Variants in CRTAC1 observed in about 807,000 individuals in gnomAD.
CRTAC1 encodes the protein cartilage acidic protein 1.
In CRTAC1, 37 loss-of-function variants were observed where a neutral mutation model predicts 67.8. That is an observed-to-expected ratio of 0.55 (90% confidence interval 0.42 to 0.72). CRTAC1 has a LOEUF of 0.72. Among genes scored for constraint, CRTAC1 ranks in the 30% least tolerant of loss-of-function variants. CRTAC1 has a pLI of 0.00. For synonymous variants in CRTAC1, 348 were observed against 371.0 expected, an observed-to-expected ratio of 0.94 and a Z score of 0.71; for missense variants, 780 against 931.6, an observed-to-expected ratio of 0.84 and a Z score of 2.12.
At chr10:98,020,590 A>G (rs1290773351) in intron 1 of CRTAC1, among the ~76,000 whole-genome samples, 1 of 152,238 alleles carries the variant, frequency 6.6e-6, no homozygotes, top group African/African-American at 2.4e-5. Context: ...ATGAGATGGG[A>G]GCACAGTGAA....
chr10:97,918,514 A>G (rs184772593), intron 4 of CRTAC1, among the ~76,000 whole-genome samples: 21 of 152,288 alleles, frequency 1.4e-4, no homozygotes, highest in African/African-American at 4.3e-4. Flanking sequence ...CCCTCCAATT[A>G]ATTGGACAGT....
At chr10:97,918,072 C>T (rs986804602) in intron 4 of CRTAC1, among the ~76,000 whole-genome samples, 6 of 152,138 alleles carry the variant, frequency 3.9e-5, no homozygotes, top group Non-Finnish European at 8.8e-5. Context: ...GTCTCTCTCT[C>T]CCATTCAAGC....
At chr10:97,885,343 TAAA>T (rs1236022543) in intron 11 of CRTAC1, among the ~76,000 whole-genome samples, 2 of 151,556 alleles carry the variant, frequency 1.3e-5, no homozygotes, top group African/African-American at 4.9e-5. Flanking sequence ...CTGAAAAAAA[TAAA>T]AACAAACAAA....
chr10:97,993,629 T>C (rs901001096), intron 2 of CRTAC1, among the ~76,000 whole-genome samples: 1 of 152,198 alleles, frequency 6.6e-6, no homozygotes, highest in African/African-American at 2.4e-5. Flanking sequence ...CGAAGGTCCT[T>C]AAATCAATCA....
chr10:97,970,020 T>C (rs2051682663), intron 2 of CRTAC1, among the ~76,000 whole-genome samples: 1 of 152,160 alleles, frequency 6.6e-6, no homozygotes, highest in Non-Finnish European at 1.5e-5. Context: ...ACTTAACTTA[T>C]CAAAAACTGA....
intron 14 of CRTAC1, among the ~76,000 whole-genome samples, chr10:97,872,763 T>A (rs1256230468): frequency 6.6e-6 from 1 of 152,130 alleles, no homozygotes; most frequent in Non-Finnish European, 1.5e-5. Flanking sequence ...AATGGATGGG[T>A]ACCGATCGCC....
In CRTAC1 at chr10:97,895,424, G is replaced by A. The variant is rs147781267; in HGVS notation, c.1318-11C>T. 194 of 1,581,692 alleles carry A rather than the reference G, an allele frequency of 1.2e-4. No individual in the cohort carries two copies. In the African/African-American group the frequency reaches 2.2e-3, roughly 18 times the overall value. ...GTTGTTGTTGAAGCCCTGCAGAGAG[G>A]GTGAGAGGCAGACACCCGGTGGGCA... On this transcript the variant is annotated splice_polypyrimidine_tract_variant and intron_variant, in intron 10 of 14. Coordinates refer to ENST00000370597, the MANE Select transcript of CRTAC1 (RefSeq NM_018058.7). The surrounding 1 kb of genome is among the most constrained non-coding windows in gnomAD (Gnocchi z 4.2).
intron 4 of CRTAC1, among the ~76,000 whole-genome samples, chr10:97,921,725 G>C (rs1266157349): frequency 6.6e-6 from 1 of 152,100 alleles, no homozygotes; most frequent in Non-Finnish European, 1.5e-5. Flanking sequence ...GCAGTCCTCA[G>C]GCCCCAGGGA....
intron 2 of CRTAC1, among the ~76,000 whole-genome samples, chr10:98,005,100 A>ATATTTTTTGTTTTTT: frequency 2.0e-5 from 1 of 48,926 alleles, no homozygotes; most frequent in Non-Finnish European, 3.5e-5. Flanking sequence ...ATATATATAT[A>ATATTTTTTGTTTTTT]TTTTTTTTTT....
At chr10:97,996,315 A>C (rs1233638221) in intron 2 of CRTAC1, among the ~76,000 whole-genome samples, 1 of 150,720 alleles carries the variant, frequency 6.6e-6, no homozygotes, top group Non-Finnish European at 1.5e-5. Context: ...AATGGGAGAA[A>C]ATTTTCGCAA....
At chr10:97,931,909 T>C (rs2051009457) in intron 3 of CRTAC1, among the ~76,000 whole-genome samples, 1 of 152,172 alleles carries the variant, frequency 6.6e-6, no homozygotes, top group African/African-American at 2.4e-5. Context: ...TGTCAGCACC[T>C]GTCTCTTGTC....
Position 97,971,663 on chromosome 10 carries a change from T to C in CRTAC1, c.225-35297A>G, listed in dbSNP as rs138821530. On this transcript the variant is annotated intron_variant, in intron 2 of 14. Coordinates refer to ENST00000370597, the MANE Select transcript of CRTAC1 (RefSeq NM_018058.7). ...AAGATGGTTAAGAAAGGGAATTTTA[T>C]GTTATGCATAGTTTACCACAATTTT... is the stretch of plus-strand genomic sequence containing the variant. 4.6e-3 allele frequency among the ~76,000 whole-genome samples: 698 copies of C among 152,350 alleles called. 5 individuals carry two copies. The highest frequency in any genetic ancestry group is 0.016 in the African/African-American group (663 of 41,578).
chr10:97,924,862 T>C (rs1292717540), intron 3 of CRTAC1, among the ~76,000 whole-genome samples: 1 of 151,848 alleles, frequency 6.6e-6, no homozygotes, highest in Non-Finnish European at 1.5e-5. Context: ...GGGTGGGAAG[T>C]ATGTGAGTGT....
intron 14 of CRTAC1, chr10:97,868,795 AATCTGGGTGCTT>A (rs1339483914): frequency 6.6e-6 from 1 of 152,090 alleles, no homozygotes; most frequent in Non-Finnish European, 1.5e-5. Flanking sequence ...GGTAAAACCA[AATCTGGGTGCTT>A]ATCTGACTGA....
chr10:97,932,470 G>T (rs1027843217), intron 3 of CRTAC1, among the ~76,000 whole-genome samples: 1 of 152,172 alleles, frequency 6.6e-6, no homozygotes, highest in African/African-American at 2.4e-5. Context: ...AACAAAAATC[G>T]CCTGTTTTCA....
chr10:97,923,641 T>A (rs2050872903), intron 3 of CRTAC1, among the ~76,000 whole-genome samples: 1 of 152,124 alleles, frequency 6.6e-6, no homozygotes, highest in African/African-American at 2.4e-5. Flanking sequence ...CCTCAGGAAC[T>A]AGGGAGGAAG....
At chr10:98,027,002 C>T (rs1184196423) in intron 1 of CRTAC1, among the ~76,000 whole-genome samples, 4 of 152,056 alleles carry the variant, frequency 2.6e-5, no homozygotes, top group African/African-American at 9.7e-5. Context: ...CCCGTCTCTA[C>T]TAAAAATACA....
chr10:97,891,448 C>G (rs1440635045), intron 11 of CRTAC1, among the ~76,000 whole-genome samples: 1 of 152,260 alleles, frequency 6.6e-6, no homozygotes, highest in Non-Finnish European at 1.5e-5. Flanking sequence ...TCCAGTCCCA[C>G]TTCCTCTGGG....
chr10:97,928,542 G>C (rs535513488), intron 3 of CRTAC1, among the ~76,000 whole-genome samples: 1 of 152,164 alleles, frequency 6.6e-6, no homozygotes, highest in Non-Finnish European at 1.5e-5. Context: ...ACCCCTTTAC[G>C]TATGAAGCGC....
Sources: gnomAD v4.1 joint callset for allele counts (sites outside exome capture counted in the v4.1 genomes callset) on GRCh38, gnomAD v4.1.1 for gene constraint, Gnocchi (gnomAD v3.1) non-coding constraint, MANE v1.5 for transcripts, NCBI Gene and HGNC (gene_info 2026-07-23, HGNC 2026-07-21) for gene names.